The following ANO3 variants were observed in gnomAD, a reference collection of about 807,000 sequenced individuals.
ANO3 encodes the protein anoctamin-3.
Under a neutral mutation model 144.8 loss-of-function variants are expected in ANO3, and 99 were observed. The ratio of observed to expected loss-of-function variants is 0.68; its 90% CI spans 0.58 to 0.81. The LOEUF (loss-of-function observed/expected upper bound fraction) is 0.81. Among genes scored for constraint, ANO3 ranks in the 30% least tolerant of loss-of-function variants. ANO3 has a pLI of 0.00. For synonymous variants in ANO3, 414 were observed against 392.6 expected (o/e 1.05, Z -0.64); for missense variants, 905 against 1,202.2 (o/e 0.75, Z 3.66).
intron 1 of ANO3, among the ~76,000 whole-genome samples, chr11:26,319,353 A>T (rs990976094): frequency 2.0e-5 from 3 of 151,786 alleles, no homozygotes; most frequent in African/African-American, 7.3e-5. Context: ...TCCCATCTTA[A>T]CCTGCCCACC....
chr11:26,640,842 A>T (rs1215566043), intron 21 of ANO3, among the ~76,000 whole-genome samples: 2 of 152,212 alleles, frequency 1.3e-5, no homozygotes, highest in Non-Finnish European at 1.5e-5. Flanking sequence ...TTCTTCAAGC[A>T]AAACTTTAAA....
chr11:26,388,627 T>A (rs1365736518), intron 1 of ANO3, among the ~76,000 whole-genome samples: 3 of 152,152 alleles, frequency 2.0e-5, no homozygotes, highest in Non-Finnish European at 2.9e-5. Context: ...CTCATTCTAC[T>A]CCTAAGGAAA....
At chr11:26,491,412 T>TA (rs1423675281) in intron 4 of ANO3, among the ~76,000 whole-genome samples, 1 of 152,194 alleles carries the variant, frequency 6.6e-6, no homozygotes, top group East Asian at 1.9e-4. Flanking sequence ...AGTGTTTTTC[T>TA]AAAAAATGCT....
intron 20 of ANO3, 79 bp from the exon 21 acceptor site, chr11:26,639,065 T>C: frequency 2.1e-6 from 2 of 946,254 alleles, no homozygotes; most frequent in Admixed American, 1.9e-5. Context: ...TAAAATTTGC[T>C]GTACAATTTA....
rs1395793425 is a variant in ANO3 at position 26,661,179 on chromosome 11, T to G, written c.*735T>G. 2 of 152,624 alleles carry G rather than the reference T, an allele frequency of 1.3e-5. No individual in the cohort carries two copies. The highest frequency in any genetic ancestry group is 2.9e-5 in the Non-Finnish European group (2 of 68,042). 9.5% of individuals were successfully genotyped at this position (152,624 alleles called of 1,614,324 possible). On this transcript the variant is annotated 3_prime_UTR_variant, in exon 27 of 27. Transcript: ENST00000256737. Reference sequence around the variant, plus strand: ...CAGAGCCAGTTGCAGTGCAATTTTTTGTACTAAATGCCAATAAAGCCACAT... The same window carrying G: ...CAGAGCCAGTTGCAGTGCAATTTTTGGTACTAAATGCCAATAAAGCCACAT...
intron 10 of ANO3, among the ~76,000 whole-genome samples, chr11:26,539,155 C>G (rs991042118): frequency 3.3e-5 from 5 of 151,544 alleles, no homozygotes; most frequent in Admixed American, 6.6e-5. Flanking sequence ...CACACACACA[C>G]ACACACACAC....
At chr11:26,625,866 T>C (rs1317492863) in intron 18 of ANO3, among the ~76,000 whole-genome samples, 1 of 152,222 alleles carries the variant, frequency 6.6e-6, no homozygotes, top group Non-Finnish European at 1.5e-5. Context: ...AAATCCTATG[T>C]CTTATTCCTT....
In ANO3 at chr11:26,662,300, A is replaced by G. The variant is rs1175667465; in HGVS notation, c.*1856A>G. 3 of 138,924 alleles carry G rather than the reference A, an allele frequency of 2.2e-5. No individual in the cohort carries two copies. The East Asian group carries it at 6.4e-4, about 30-fold the overall frequency. The allele number at this position is 138,924 out of a possible 1,614,324, so 8.6% of individuals were successfully genotyped here. On this transcript the variant is annotated 3_prime_UTR_variant, in exon 27 of 27. Transcript: ENST00000256737. ...TGAAACTCTTCCATTCAGATTCCAGAGAGGTTCTCATGCTCCCCCCCCTCC... is the reference window on the plus strand; with the variant it reads ...TGAAACTCTTCCATTCAGATTCCAGGGAGGTTCTCATGCTCCCCCCCCTCC...
chr11:26,463,026 A>G lies in ANO3; in HGVS notation c.314-4A>G, dbSNP rs1481232300. 8.9e-6 allele frequency: 13 copies of G among 1,463,084 alleles called. No homozygotes were observed. The highest frequency in any genetic ancestry group is 2.4e-5 in the East Asian group (1 of 41,878). The allele number at this position is 1,463,084 out of a possible 1,614,324, so 90.6% of individuals were successfully genotyped here. A position where few individuals can be genotyped will look rare whatever the true frequency, so the allele number is the denominator to read the frequency against. On this transcript the variant is annotated splice_region_variant and splice_polypyrimidine_tract_variant and intron_variant, in intron 3 of 26. Transcript: ENST00000256737. The stretch of plus-strand genomic sequence containing the variant: ...GGATATAACTTTCTCTTTCTCTTTT[A>G]TAGCCCTAGGAAAAGATAAGGATTA...
At chr11:26,369,460 T>G (rs1305043354) in intron 1 of ANO3, among the ~76,000 whole-genome samples, 1 of 152,142 alleles carries the variant, frequency 6.6e-6, no homozygotes, top group Non-Finnish European at 1.5e-5. Flanking sequence ...TCAAAATTTG[T>G]TTCAATATGA....
chr11:26,619,045 T>A (rs1852339806), intron 17 of ANO3, among the ~76,000 whole-genome samples: 1 of 152,240 alleles, frequency 6.6e-6, no homozygotes, highest in South Asian at 2.1e-4. Context: ...ATTTCTCCCA[T>A]TATCAGAGTA....
chr11:26,344,699 A>G (rs1157320225), intron 1 of ANO3, among the ~76,000 whole-genome samples: 1 of 152,016 alleles, frequency 6.6e-6, no homozygotes, highest in African/African-American at 2.4e-5. Flanking sequence ...TCTTTGGTGT[A>G]ATTTCTCCTT....
At chr11:26,193,025 T>C (rs758560420) in intron 1 of ANO3, among the ~76,000 whole-genome samples, 2 of 152,128 alleles carry the variant, frequency 1.3e-5, no homozygotes, top group Non-Finnish European at 2.9e-5. Context: ...ACCTGTCATC[T>C]AGGTTTTAAG....
chr11:26,452,660 G>A (rs1404865510), intron 3 of ANO3, among the ~76,000 whole-genome samples: 1 of 152,164 alleles, frequency 6.6e-6, no homozygotes, highest in South Asian at 2.1e-4. Context: ...CACTCTGCAG[G>A]ATATTATCCA....
chr11:26,290,747 TA>T (rs1853937440), intron 1 of ANO3, among the ~76,000 whole-genome samples: 1 of 152,246 alleles, frequency 6.6e-6, no homozygotes, highest in South Asian at 2.1e-4. Context: ...TCCTGAGTTC[TA>T]ATTTGATTGC....
intron 1 of ANO3, among the ~76,000 whole-genome samples, chr11:26,260,127 C>T (rs1057152354): frequency 3.3e-5 from 5 of 151,770 alleles, no homozygotes; most frequent in African/African-American, 1.2e-4. Flanking sequence ...CCAAGATACC[C>T]CACACAAAGG....
chr11:26,281,995 T>C (rs766815141), intron 1 of ANO3, among the ~76,000 whole-genome samples: 39 of 152,200 alleles, frequency 2.6e-4, no homozygotes, highest in Non-Finnish European at 3.4e-4. Flanking sequence ...ATGAAAACCA[T>C]TACTTTGCAC....
intron 14 of ANO3, chr11:26,563,210 G>A (rs1486747493): frequency 6.2e-7 from 1 of 1,612,260 alleles, no homozygotes; most frequent in Non-Finnish European, 8.5e-7. Flanking sequence ...TAAGCAATGA[G>A]ACACCCAGAA....
chr11:26,244,874 T>G (rs1326299885), intron 1 of ANO3, among the ~76,000 whole-genome samples: 1 of 152,186 alleles, frequency 6.6e-6, no homozygotes, highest in South Asian at 2.1e-4. Flanking sequence ...TTTTCATAAT[T>G]ATTTATTTGT....
Sources: allele counts gnomAD v4.1 joint callset (sites outside exome capture counted in the v4.1 genomes callset), GRCh38; gene constraint gnomAD v4.1.1; transcripts MANE v1.5; gene names NCBI Gene and HGNC (gene_info 2026-07-23, HGNC 2026-07-21).